MYH15: variants seen among roughly 807,000 people sequenced by gnomAD.
The protein encoded by MYH15 is myosin-15.
A neutral mutation model predicts 240.5 loss-of-function variants in MYH15; 227 were observed. The ratio of observed to expected loss-of-function variants is 0.94; its 90% CI spans 0.85 to 1.05. The LOEUF is 1.05. Among genes scored for constraint, MYH15 ranks in the 50% least tolerant of loss-of-function variants. MYH15 has a pLI of 0.00. For synonymous variants in MYH15, 785 were observed against 796.7 expected (o/e 0.99, Z 0.25); for missense variants, 2,217 against 2,247.5 (o/e 0.99, Z 0.27).
intron 29 of MYH15, among the ~76,000 whole-genome samples, chr3:108,415,040 C>T (rs1388423644): frequency 6.6e-6 from 1 of 152,136 alleles, no homozygotes; most frequent in East Asian, 1.9e-4. Context: ...GTGATCAAAA[C>T]TGAATTCTTA....
upstream of MYH15, among the ~76,000 whole-genome samples, chr3:108,531,412 T>C (rs2083709540): frequency 6.6e-6 from 1 of 152,082 alleles, no homozygotes; most frequent in African/African-American, 2.4e-5. Flanking sequence ...TCACGGGCAC[T>C]TGAAACTCTG....
intron 20 of MYH15, among the ~76,000 whole-genome samples, chr3:108,454,896 A>G (rs1015609173): frequency 2.6e-5 from 4 of 152,148 alleles, no homozygotes; most frequent in Non-Finnish European, 4.4e-5. Flanking sequence ...TAGGAGTTTC[A>G]CTTGCCTCAG....
At chr3:108,456,661 CTGGAG>C (rs2083022444) in intron 19 of MYH15, 100 bp downstream of exon 19, 4 of 778,556 alleles carry the variant, frequency 5.1e-6, no homozygotes, top group Non-Finnish European at 6.6e-6. Context: ...GATTTGTAGT[CTGGAG>C]GACATCAACC....
chr3:108,384,702 C>A lies in MYH15; in HGVS notation c.5616G>T (p.Gln1872His), dbSNP rs759088952. 1 of 1,613,586 alleles carries A rather than the reference C, an allele frequency of 6.2e-7. No individual in the cohort carries two copies. The highest frequency in any genetic ancestry group is 2.2e-5 in the East Asian group (1 of 44,868). ...AGGCACTCACCGCCACCTCGACTTG[C>A]TGCTTGTAATTTTGCACTTTTAGCT... ...KLQLKVQNYK[Q>H]QVEVAETQAN... The change falls in exon 39 of 41, where the codon CAG becomes CAT. Residue 1872 changes from glutamine to histidine, a missense_variant. Coordinates refer to ENST00000693548, the MANE Select transcript of MYH15 (RefSeq NM_014981.3).
At chr3:108,428,350 T>G in intron 27 of MYH15, 142 bp downstream of exon 27, 2 of 1,036,866 alleles carry the variant, frequency 1.9e-6, no homozygotes, top group Non-Finnish European at 2.8e-6. Flanking sequence ...GCCTGATCTA[T>G]TCCGTCCAAA....
chr3:108,463,151 G>A lies in MYH15; in HGVS notation c.1824C>T (p.Leu608=), dbSNP rs781483941. The change falls in exon 16 of 41, where the codon CTC becomes CTT. Residue 608 remains leucine, a synonymous_variant. Coordinates refer to ENST00000693548, the MANE Select transcript of MYH15 (RefSeq NM_014981.3). ...VAVFQKSSNR[L]LASLFENYMS... ...TGTAATTTTCAAAAAGGCTCGCCAG[G>A]AGTCTGTTGGAAGACTTCTGAAATA... is the stretch of plus-strand genomic sequence containing the variant. 6.2e-7 allele frequency: 1 copy of A among 1,612,278 alleles called. No homozygotes were observed. The highest frequency in any genetic ancestry group is 8.5e-7 in the Non-Finnish European group (1 of 1,179,300).
At chr3:108,545,513 C>A in the MYH15 span, among the ~76,000 whole-genome samples, 4 of 152,020 alleles carry the variant, frequency 2.6e-5, no homozygotes, top group African/African-American at 9.7e-5. Context: ...AAGAATAAAA[C>A]ATTAAATAAA....
At chr3:108,395,685 G>A (rs1338244386) in intron 35 of MYH15, among the ~76,000 whole-genome samples, 8 of 147,460 alleles carry the variant, frequency 5.4e-5, no homozygotes, top group African/African-American at 2.0e-4. Flanking sequence ...TTTGCAGAAA[G>A]GTAATCTAGA....
At chr3:108,530,863 C>T (rs1292417925), upstream of MYH15, among the ~76,000 whole-genome samples, 1 of 152,066 alleles carries the variant, frequency 6.6e-6, no homozygotes, top group Non-Finnish European at 1.5e-5. Context: ...AAAAACATTA[C>T]AATAGTTATT....
At chr3:108,495,103 G>C (rs1235928377) in intron 7 of MYH15, among the ~76,000 whole-genome samples, 1 of 152,192 alleles carries the variant, frequency 6.6e-6, no homozygotes, top group Non-Finnish European at 1.5e-5. Flanking sequence ...AAATCGGCAT[G>C]AGGTTATTAT....
chr3:108,391,954 G>T, intron 36 of MYH15, 24 bp from the exon 37 acceptor site: 1 of 1,609,854 alleles, frequency 6.2e-7, no homozygotes, highest in Non-Finnish European at 8.5e-7. Context: ...AAAAGGGACT[G>T]AGCTAGTTCA....
chr3:108,406,726 C>G (rs915865746), intron 32 of MYH15, among the ~76,000 whole-genome samples: 1 of 152,120 alleles, frequency 6.6e-6, no homozygotes, highest in African/African-American at 2.4e-5. Context: ...ATGGATGTGG[C>G]TGAGGACAGA....
At chr3:108,539,869 T>C in the MYH15 span, among the ~76,000 whole-genome samples, 1 of 152,128 alleles carries the variant, frequency 6.6e-6, no homozygotes, top group Non-Finnish European at 1.5e-5. Context: ...TTCTACTAAG[T>C]CTTTAAAGAA....
upstream of MYH15, among the ~76,000 whole-genome samples, chr3:108,531,291 G>A (rs1180965977): frequency 6.6e-6 from 1 of 152,166 alleles, no homozygotes; most frequent in Non-Finnish European, 1.5e-5. Flanking sequence ...GGGACCCCAG[G>A]GAGAGTTCTC....
In MYH15 at chr3:108,410,742, C is replaced by T. The variant is rs746244616; in HGVS notation, c.4336G>A (p.Ala1446Thr). 8 of 1,614,044 alleles carry T rather than the reference C, an allele frequency of 5.0e-6. No homozygotes were observed. The highest frequency in any genetic ancestry group is 6.8e-6 in the Non-Finnish European group (8 of 1,180,050). The part of the protein sequence containing the change: ...QKQLQSGKAL[A>T]DWKQKHEESQ... ...TCCTCGTGCTTCTGCTTCCAGTCGGCAAGGGCCTTGCCAGACTGCAGCTGC... is the reference window on the plus strand; with the variant it reads ...TCCTCGTGCTTCTGCTTCCAGTCGGTAAGGGCCTTGCCAGACTGCAGCTGC... The change falls in exon 31 of 41, where the codon GCC becomes ACC. Residue 1446 changes from alanine to threonine, a missense_variant. By Grantham distance (58) the Ala-to-Thr change is moderately conservative. Transcript: ENST00000693548.
chr3:108,544,389 C>A, the MYH15 span, among the ~76,000 whole-genome samples: 2 of 152,126 alleles, frequency 1.3e-5, no homozygotes, highest in African/African-American at 4.8e-5. Flanking sequence ...ACTAACCTTA[C>A]AAAGAAACAT....
intron 21 of MYH15, among the ~76,000 whole-genome samples, chr3:108,451,701 T>C (rs907033436): frequency 2.1e-4 from 32 of 152,058 alleles, no homozygotes; most frequent in African/African-American, 3.1e-4. Context: ...TCAGATAACA[T>C]AGCAGATGAA....
Position 108,493,221 on chromosome 3 carries a change from C to T in MYH15, c.712-44G>A, listed in dbSNP as rs181618082. ...ACAGTCAGACACAAAACACAGTTTC[C>T]TATTCACATTTTCCAAGCACTTGCA... is the stretch of plus-strand genomic sequence containing the variant. On this transcript the variant is annotated intron_variant, in intron 7 of 40. Transcript: ENST00000693548. The T allele has an allele frequency of 2.0e-4, 316 of 1,552,032 alleles. No individual in the cohort carries two copies. The East Asian group carries it at 4.2e-3, about 21-fold the overall frequency.
the MYH15 span, among the ~76,000 whole-genome samples, chr3:108,546,689 C>T: frequency 1.3e-5 from 2 of 152,066 alleles, no homozygotes; most frequent in Non-Finnish European, 2.9e-5. Flanking sequence ...GAAGCTTACT[C>T]CTTCTTGCAT....
Sources: gnomAD v4.1 joint callset for allele counts (sites outside exome capture counted in the v4.1 genomes callset) on GRCh38, gnomAD v4.1.1 for gene constraint, MANE v1.5 for transcripts, NCBI Gene and HGNC (gene_info 2026-07-23, HGNC 2026-07-21) for gene names.